TSHZ3: variants seen among roughly 807,000 people sequenced by gnomAD.
TSHZ3 encodes teashirt homolog 3.
TSHZ3 carries 10 observed loss-of-function variants against 64.5 expected under a neutral mutation model. The ratio of observed to expected loss-of-function variants is 0.16; its 90% CI spans 0.10 to 0.26. The LOEUF (loss-of-function observed/expected upper bound fraction) is 0.26, where lower values mean the gene tolerates loss of function less well. TSHZ3 is among the 10% of genes least tolerant of loss of function. The pLI is 1.00. For missense variants in TSHZ3, 1,242 were observed against 1,421.7 expected, an observed-to-expected ratio of 0.87 and a Z score of 2.03; for synonymous variants, 608 against 593.1, an observed-to-expected ratio of 1.03 and a Z score of -0.36.
At chr19:31,184,463 A>C (rs540603535) in intron 5 of TSHZ3, among the ~76,000 whole-genome samples, 1 of 152,324 alleles carries the variant, frequency 6.6e-6, no homozygotes, top group African/African-American at 2.4e-5. Context: ...AACAAAGCTT[A>C]GAGTTTGTTT....
intron 5 of TSHZ3, among the ~76,000 whole-genome samples, chr19:31,172,041 C>T (rs1158626500): frequency 1.3e-5 from 2 of 152,204 alleles, no homozygotes; most frequent in Non-Finnish European, 2.9e-5. Context: ...CTTCAAGAGA[C>T]ACCAAAACAA....
In TSHZ3 at chr19:31,325,669, T is replaced by G. The variant is rs146405673; in HGVS notation, c.40+23511A>C. ...TACCTTTTCAGCTAGCAATTCCGCCTGTAGGACTGCATCCCACAAGGATGT... is the reference window on the plus strand; with the variant it reads ...TACCTTTTCAGCTAGCAATTCCGCCGGTAGGACTGCATCCCACAAGGATGT... On this transcript the variant is annotated intron_variant, in intron 1 of 1. Coordinates refer to ENST00000240587, the MANE Select transcript of TSHZ3 (RefSeq NM_020856.4). 2.6e-5 allele frequency among the ~76,000 whole-genome samples: 4 copies of G among 152,302 alleles called. No homozygotes were observed. The East Asian group carries it at 7.7e-4, about 29-fold the overall frequency.
intron 1 of TSHZ3, among the ~76,000 whole-genome samples, chr19:31,280,717 C>G (rs185374659): frequency 6.6e-6 from 1 of 152,318 alleles, no homozygotes; most frequent in East Asian, 1.9e-4. Context: ...TTTCTGGAAG[C>G]GATGTAACTG....
At chr19:31,320,463 T>C (rs546660402) in intron 1 of TSHZ3, among the ~76,000 whole-genome samples, 1 of 152,348 alleles carries the variant, frequency 6.6e-6, no homozygotes, top group South Asian at 2.1e-4. Flanking sequence ...AGAAAATGTC[T>C]TTCTGAGACG....
chr19:31,202,416 T>C (rs1178862515), intron 5 of TSHZ3, among the ~76,000 whole-genome samples: 1 of 152,190 alleles, frequency 6.6e-6, no homozygotes, highest in African/African-American at 2.4e-5. Context: ...TTTTTTTAAA[T>C]GTGATATTCC....
intron 6 of TSHZ3, among the ~76,000 whole-genome samples, chr19:31,154,224 A>G (rs949061260): frequency 6.6e-6 from 1 of 152,198 alleles, no homozygotes; most frequent in Non-Finnish European, 1.5e-5. Flanking sequence ...GCCCACAGCC[A>G]CAGGAATGAC....
intron 1 of TSHZ3, among the ~76,000 whole-genome samples, chr19:31,250,615 A>T (rs1568359737): frequency 1.3e-5 from 2 of 152,106 alleles, no homozygotes; most frequent in Non-Finnish European, 2.9e-5. Context: ...TACGCTAAGT[A>T]TTTTTTTTAT....
intron 4 of TSHZ3, among the ~76,000 whole-genome samples, chr19:31,224,441 G>T (rs971379190): frequency 9.2e-5 from 14 of 152,172 alleles, no homozygotes; most frequent in African/African-American, 3.1e-4. Flanking sequence ...GCATAATCAC[G>T]TTGGTATTCT....
At chr19:31,178,051 C>T (rs1319560934) in intron 5 of TSHZ3, among the ~76,000 whole-genome samples, 2 of 152,198 alleles carry the variant, frequency 1.3e-5, no homozygotes, top group Middle Eastern at 3.2e-3. Flanking sequence ...GCCTCAATTT[C>T]CTCATCATGT....
At chr19:31,318,651 CA>C (rs912742177) in intron 1 of TSHZ3, among the ~76,000 whole-genome samples, 63 of 151,324 alleles carry the variant, frequency 4.2e-4, no homozygotes, top group African/African-American at 1.3e-3. Flanking sequence ...AATAAAAGAA[CA>C]AAAAAAACCA....
At chr19:31,236,272 CT>C (rs1424480838) in intron 3 of TSHZ3, among the ~76,000 whole-genome samples, 1 of 152,158 alleles carries the variant, frequency 6.6e-6, no homozygotes, top group African/African-American at 2.4e-5. Context: ...ACAAAAGTTA[CT>C]TTTTCTCCAT....
downstream of TSHZ3, among the ~76,000 whole-genome samples, chr19:31,270,608 C>A (rs1274751315): frequency 6.6e-6 from 1 of 152,196 alleles, no homozygotes; most frequent in African/African-American, 2.4e-5. Context: ...GGCCACTGTA[C>A]CTGGCCTTCC....
intron 1 of TSHZ3, among the ~76,000 whole-genome samples, chr19:31,336,652 T>G (rs576041377): frequency 6.6e-6 from 1 of 152,282 alleles, no homozygotes; most frequent in Non-Finnish European, 1.5e-5. Context: ...TCACTCCAGT[T>G]CTTCGGGGTC....
At chr19:31,243,230 T>C (rs2145185548) in intron 1 of TSHZ3, among the ~76,000 whole-genome samples, 1 of 152,322 alleles carries the variant, frequency 6.6e-6, no homozygotes, top group South Asian at 2.1e-4. Context: ...ATACCTGTCA[T>C]TGATGGATTT....
At chr19:31,262,066 T>C (rs1165703863) in intron 1 of TSHZ3, among the ~76,000 whole-genome samples, 1 of 152,230 alleles carries the variant, frequency 6.6e-6, no homozygotes, top group Non-Finnish European at 1.5e-5. Flanking sequence ...CAAATTATCT[T>C]GTCATTCTGA....
intron 1 of TSHZ3, among the ~76,000 whole-genome samples, chr19:31,254,579 T>C (rs948888096): frequency 9.9e-5 from 15 of 152,244 alleles, no homozygotes; most frequent in African/African-American, 3.1e-4. Context: ...TCTGAGTTCC[T>C]GTCTTTGTAA....
intron 1 of TSHZ3, among the ~76,000 whole-genome samples, chr19:31,333,661 T>C (rs1041523375): frequency 1.3e-5 from 2 of 151,868 alleles, no homozygotes; most frequent in Non-Finnish European, 2.9e-5. Flanking sequence ...TGGGCCCCAG[T>C]GATGGGGCCC....
At chr19:31,258,526 C>A (rs147069366) in intron 1 of TSHZ3, among the ~76,000 whole-genome samples, 21 of 152,288 alleles carry the variant, frequency 1.4e-4, no homozygotes, top group African/African-American at 4.1e-4. Flanking sequence ...GCCAGCAGCA[C>A]CCTATCAGGC....
At chr19:31,233,995 A>C (rs1599596789) in intron 3 of TSHZ3, among the ~76,000 whole-genome samples, 1 of 150,644 alleles carries the variant, frequency 6.6e-6, no homozygotes, top group Non-Finnish European at 1.5e-5. Flanking sequence ...TCTATAAGTC[A>C]GTTTGGGTAC....
Sources: allele counts gnomAD v4.1 joint callset (sites outside exome capture counted in the v4.1 genomes callset), GRCh38; gene constraint gnomAD v4.1.1; transcripts MANE v1.5; gene names NCBI Gene and HGNC (gene_info 2026-07-23, HGNC 2026-07-21).